The following CASR variants were observed in gnomAD, a reference collection of about 807,000 sequenced individuals.
CASR encodes the protein calcium sensing receptor.
Under a neutral mutation model 69.1 loss-of-function variants are expected in CASR, and 23 were observed. The observed-to-expected ratio is 0.33, with a 90% confidence interval of 0.24 to 0.47. The LOEUF (loss-of-function observed/expected upper bound fraction) is 0.47. CASR is among the 20% of genes least tolerant of loss of function. CASR has a pLI of 1.00. For synonymous variants in CASR, 541 were observed against 544.7 expected (o/e 0.99, Z 0.10); for missense variants, 924 against 1,356.1 (o/e 0.68, Z 5.00).
At chr3:122,231,565 G>T (rs999725535) in intron 1 of CASR, among the ~76,000 whole-genome samples, 1 of 152,158 alleles carries the variant, frequency 6.6e-6, no homozygotes, top group African/African-American at 2.4e-5. Flanking sequence ...GTTACTAAAT[G>T]GGGAATAAGG....
chr3:122,192,802 C>T (rs1006616906), intron 1 of CASR, among the ~76,000 whole-genome samples: 2 of 152,092 alleles, frequency 1.3e-5, no homozygotes, highest in Admixed American at 6.5e-5. Context: ...ATAGTTCCTG[C>T]GAGCTCCCAG....
chr3:122,276,731 G>A (rs1213455478), intron 5 of CASR, among the ~76,000 whole-genome samples: 1 of 152,158 alleles, frequency 6.6e-6, no homozygotes, highest in Non-Finnish European at 1.5e-5. Flanking sequence ...TCCTCCTCCA[G>A]GAGACCTGTA....
At chr3:122,250,665 T>A (rs1324788160) in intron 1 of CASR, among the ~76,000 whole-genome samples, 1 of 152,218 alleles carries the variant, frequency 6.6e-6, no homozygotes, top group Non-Finnish European at 1.5e-5. Context: ...ACATGGAATG[T>A]TTAAGGGATC....
intron 1 of CASR, among the ~76,000 whole-genome samples, chr3:122,235,735 C>T (rs2074323344): frequency 6.6e-6 from 1 of 152,014 alleles, no homozygotes; most frequent in African/African-American, 2.4e-5. Flanking sequence ...TTCTAGACTG[C>T]GGTGAGCTAT....
At chr3:122,219,077 G>C (rs2074146104) in intron 1 of CASR, among the ~76,000 whole-genome samples, 2 of 152,128 alleles carry the variant, frequency 1.3e-5, no homozygotes, top group South Asian at 4.1e-4. Flanking sequence ...TATAAAATGG[G>C]GTGGTAGGTC....
chr3:122,257,688 T>C (rs3749205), intron 3 of CASR: 123,939 of 276,142 alleles, frequency 0.45, 28,801 homozygotes, highest in Non-Finnish European at 0.49. Flanking sequence ...TTAGTAAATT[T>C]TTTTTCCTTC....
intron 1 of CASR, among the ~76,000 whole-genome samples, chr3:122,215,998 A>G (rs2074114133): frequency 6.6e-6 from 1 of 152,226 alleles, no homozygotes; most frequent in African/African-American, 2.4e-5. Flanking sequence ...GTGTTTGCTC[A>G]TCTTTAATGG....
intron 1 of CASR, among the ~76,000 whole-genome samples, chr3:122,203,654 G>A (rs760310958): frequency 1.3e-5 from 2 of 152,214 alleles, no homozygotes; most frequent in Non-Finnish European, 2.9e-5. Flanking sequence ...GTCAGTGAGC[G>A]AGTGATGAGT....
Position 122,278,783 on chromosome 3 carries a change from G to A in CASR, c.1608+2741G>A, listed in dbSNP as rs376302570. ...AGACTTTGAAGACTGACCTGAGCGCGAATCTCAGCTCTCCAGTCAAGCCAT... is the reference window on the plus strand; with the variant it reads ...AGACTTTGAAGACTGACCTGAGCGCAAATCTCAGCTCTCCAGTCAAGCCAT... On this transcript the variant is annotated intron_variant, in intron 5 of 6. Coordinates refer to ENST00000639785, the MANE Select transcript of CASR (RefSeq NM_000388.4). Among the ~76,000 whole-genome samples the A allele has an allele frequency of 6.6e-5, 10 of 152,244 alleles. No homozygotes were observed. The East Asian group carries it at 1.4e-3, about 21-fold the overall frequency.
chr3:122,191,954 A>G (rs1388847507), intron 1 of CASR, among the ~76,000 whole-genome samples: 33 of 152,246 alleles, frequency 2.2e-4, no homozygotes, highest in Admixed American at 2.2e-3. Flanking sequence ...CTGTCATAAC[A>G]AATTACCTGG....
At chr3:122,272,091 GCACA>G (rs35249463) in intron 4 of CASR, among the ~76,000 whole-genome samples, 23,886 of 148,816 alleles carry the variant, frequency 0.16, 2,101 homozygotes, top group Admixed American at 0.24. Flanking sequence ...TCCTAGGAAT[GCACA>G]CACACACACA....
At chr3:122,230,159 T>TG (rs2074265348) in intron 1 of CASR, among the ~76,000 whole-genome samples, 2 of 152,208 alleles carry the variant, frequency 1.3e-5, no homozygotes, top group African/African-American at 4.8e-5. Flanking sequence ...CAATAACCCC[T>TG]GGTAGAGTCT....
chr3:122,244,465 G>C (rs60615758), intron 1 of CASR, among the ~76,000 whole-genome samples: 2,457 of 152,182 alleles, frequency 0.016, 31 homozygotes, highest in South Asian at 0.069. Flanking sequence ...ACAAACTATG[G>C]TTACATACAA....
intron 4 of CASR, among the ~76,000 whole-genome samples, chr3:122,270,417 T>G (rs1328144072): frequency 6.6e-6 from 1 of 152,224 alleles, no homozygotes; most frequent in Non-Finnish European, 1.5e-5. Flanking sequence ...TGGCTAGAGA[T>G]CCATCAACTT....
intron 1 of CASR, among the ~76,000 whole-genome samples, chr3:122,238,136 C>T (rs2074346663): frequency 6.6e-6 from 1 of 152,188 alleles, no homozygotes; most frequent in Admixed American, 6.5e-5. Flanking sequence ...TTTCATATTG[C>T]TCAAAGAGGC....
At chr3:122,211,325 T>C (rs960544964) in intron 1 of CASR, among the ~76,000 whole-genome samples, 5 of 152,190 alleles carry the variant, frequency 3.3e-5, no homozygotes, top group Non-Finnish European at 7.3e-5. Context: ...GAGAAAACTT[T>C]TGCAATCTAT....
chr3:122,198,714 T>A (rs2073913867), intron 1 of CASR, among the ~76,000 whole-genome samples: 1 of 152,052 alleles, frequency 6.6e-6, no homozygotes, highest in South Asian at 2.1e-4. Context: ...AACTTCATTT[T>A]TTGATTGTTC....
intron 1 of CASR, among the ~76,000 whole-genome samples, chr3:122,234,077 A>G (rs1173902892): frequency 6.6e-6 from 1 of 152,214 alleles, no homozygotes; most frequent in Non-Finnish European, 1.5e-5. Context: ...TGGAGAAGCC[A>G]TTGCTCACAT....
At chr3:122,272,392 T>G (rs192801592) in intron 4 of CASR, among the ~76,000 whole-genome samples, 1 of 152,198 alleles carries the variant, frequency 6.6e-6, no homozygotes, top group Non-Finnish European at 1.5e-5. Context: ...TCTTGAGAAA[T>G]TGATCTCTTT....
Sources: gnomAD v4.1 joint callset for allele counts (sites outside exome capture counted in the v4.1 genomes callset) on GRCh38, gnomAD v4.1.1 for gene constraint, MANE v1.5 for transcripts, NCBI Gene and HGNC (gene_info 2026-07-23, HGNC 2026-07-21) for gene names.